SCNN1A: variants seen among roughly 807,000 people sequenced by gnomAD.
SCNN1A encodes the protein epithelial sodium channel subunit alpha.
A neutral mutation model predicts 68.6 loss-of-function variants in SCNN1A; 65 were observed. That is an observed-to-expected ratio of 0.95 (90% CI 0.78 to 1.16). The LOEUF (loss-of-function observed/expected upper bound fraction) is 1.16. Among genes scored for constraint, SCNN1A ranks in the 50% most tolerant of loss-of-function variants. The pLI, the probability that SCNN1A is intolerant of heterozygous loss-of-function variation, is 0.00. For synonymous variants in SCNN1A, 357 were observed against 353.3 expected (o/e 1.01, Z -0.12); for missense variants, 880 against 865.9 (o/e 1.02, Z -0.20).
chr12:6,349,571 G>A (rs1948335995), intron 8 of SCNN1A, among the ~76,000 whole-genome samples, 166 bp from the exon 9 acceptor site: 1 of 152,108 alleles, frequency 6.6e-6, no homozygotes, highest in South Asian at 2.1e-4. Flanking sequence ...AAGAAATTAA[G>A]CTAAGCCAGG....
At position 6,347,576 on chromosome 12, in the gene SCNN1A, CGCTTG is replaced by C; in HGVS notation, c.*292_*296del. 2.2e-6 allele frequency: 1 copy of C among 460,602 alleles called. No individual in the cohort carries two copies. Among genetic ancestry groups the C allele is most frequent in the Non-Finnish European group, 4.0e-6 (1 of 252,832 alleles). 28.5% of individuals were successfully genotyped at this position (460,602 alleles called of 1,614,324 possible). On this transcript the variant is annotated 3_prime_UTR_variant, in exon 13 of 13. Transcript: ENST00000228916. ...AGTTCCTTGTCAAAGCTCCAAGTTT[CGCTTG>C]GCTGATCCAAGGGAAAAAGAGACTT... is the stretch of plus-strand genomic sequence containing the variant.
chr12:6,374,613 C>G lies in SCNN1A; in HGVS notation c.171G>C (p.Glu57Asp). The change falls in exon 2 of 13, where the codon GAG (glutamate) becomes GAC (aspartate). Residue 57 changes from glutamate to aspartate, a missense_variant. Coordinates refer to ENST00000228916, the MANE Select transcript of SCNN1A (RefSeq NM_001038.6). This position sits in a 1 kb window ranked among gnomAD's most constrained non-coding sequence, Gnocchi z 6.2. ...TGTTGTTGCAGAAGAACTCGAAGAG[C>G]TCTCGGTAGGAGCGGTGGAACTCGA... Reference protein sequence around the residue: ...ALIEFHRSYRELFEFFCNNTT... With the variant: ...ALIEFHRSYRDLFEFFCNNTT... 1 of 1,613,924 alleles carries G rather than the reference C, an allele frequency of 6.2e-7. No homozygotes were observed. The highest frequency in any genetic ancestry group is 8.5e-7 in the Non-Finnish European group (1 of 1,179,906).
chr12:6,375,230 T>C, intron 1 of SCNN1A: 10 of 1,441,364 alleles, frequency 6.9e-6, no homozygotes, highest in Non-Finnish European at 9.1e-6. Context: ...TGTTTCTCTT[T>C]GGGTCTCTCC....
In SCNN1A at chr12:6,363,509, CACGCT is replaced by C; in HGVS notation, c.613_617del (p.Ser205GlyfsTer104). 1 of 1,608,888 alleles carries C rather than the reference CACGCT, an allele frequency of 6.2e-7. No individual in the cohort carries two copies. Among genetic ancestry groups the C allele is most frequent in the Non-Finnish European group, 8.5e-7 (1 of 1,177,582 alleles). ...GGTTGTTGTCCCGCAAGCTGGAGGCCACGCTACGGGCTCGACGGGCCCCGTGAGGC... is the reference window on the plus strand; with the variant it reads ...GGTTGTTGTCCCGCAAGCTGGAGGCCACGGGCTCGACGGGCCCCGTGAGGC... On this transcript the variant is annotated frameshift_variant, in exon 3 of 13. Transcript: ENST00000228916. LOFTEE classifies it high-confidence loss of function.
upstream of SCNN1A, chr12:6,375,605 C>T (rs72645137): frequency 2.8e-3 from 4,151 of 1,473,904 alleles, 95 homozygotes; most frequent in African/African-American, 0.047. Context: ...GTGAGCAGGG[C>T]GGGGGGAGGG....
chr12:6,362,928 A>C (rs150709760), intron 3 of SCNN1A, among the ~76,000 whole-genome samples: 1 of 440 alleles, frequency 2.3e-3, no homozygotes, highest in Non-Finnish European at 4.5e-3. Flanking sequence ...GGTGATCTGC[A>C]CGCCTAGGCC....
At chr12:6,353,561 GTTTTTA>G (rs1200785560) in intron 8 of SCNN1A, among the ~76,000 whole-genome samples, 3 of 151,352 alleles carry the variant, frequency 2.0e-5, no homozygotes, top group African/African-American at 4.9e-5. Flanking sequence ...GCTGCAGGTT[GTTTTTA>G]TTTTTATTTT....
At chr12:6,353,880 C>T (rs537555661) in intron 8 of SCNN1A, 28 of 152,036 alleles carry the variant, frequency 1.8e-4, no homozygotes, top group Middle Eastern at 3.4e-3. Context: ...TGAGCCACCG[C>T]GCCCGGCCTG....
At position 6,363,707 on chromosome 12, in the gene SCNN1A, G is replaced by A. The variant is rs1948623516; in HGVS notation, c.420C>T (p.Tyr140=). The A allele has an allele frequency of 6.3e-7, 1 of 1,597,400 alleles. No individual in the cohort carries two copies. The highest frequency in any genetic ancestry group is 8.5e-7 in the Non-Finnish European group (1 of 1,171,424). The change falls in exon 3 of 13, where the codon TAC becomes TAT. Residue 140 remains tyrosine (Y), a synonymous_variant. Transcript: ENST00000228916. ...CCTCCAGCTCCTCTTTAATTTCCGG[G>A]TACCTGAAGGGGCGAGGGGAAGAGG... ...VTICTLNPYR[Y]PEIKEELEEL...
intron 8 of SCNN1A, among the ~76,000 whole-genome samples, chr12:6,350,768 T>C (rs1592061757): frequency 6.6e-6 from 1 of 151,950 alleles, no homozygotes; most frequent in South Asian, 2.1e-4. Context: ...ACCTAGGAGG[T>C]GGAGGTTGTA....
Position 6,372,085 on chromosome 12 carries a change from A to G in SCNN1A, c.416+2283T>C, listed in dbSNP as rs572821079. On this transcript the variant is annotated intron_variant, in intron 2 of 12. Transcript: ENST00000228916. This position sits in a 1 kb window ranked among gnomAD's most constrained non-coding sequence, Gnocchi z 5.8. ...TTTGAGCTCCATCCCAGATCCCTCAATGCCTGCCTTGGCCTCCCAAAGTGC... is the reference window on the plus strand; with the variant it reads ...TTTGAGCTCCATCCCAGATCCCTCAGTGCCTGCCTTGGCCTCCCAAAGTGC... Among the ~76,000 whole-genome samples the G allele has an allele frequency of 6.6e-6, 1 of 152,268 alleles. No homozygotes were observed. The highest frequency in any genetic ancestry group is 1.9e-4 in the East Asian group (1 of 5,186).
chr12:6,376,242 G>C (rs1948906509), upstream of SCNN1A: 3 of 958,796 alleles, frequency 3.1e-6, no homozygotes, highest in Non-Finnish European at 3.7e-6. Flanking sequence ...CTTTCCTGCT[G>C]ATTCCTCGCC....
At chr12:6,355,184 T>A in intron 6 of SCNN1A, 88 bp downstream of exon 6, 1 of 1,444,474 alleles carries the variant, frequency 6.9e-7, no homozygotes, top group Non-Finnish European at 9.5e-7. Context: ...CCACCCCACA[T>A]GCTCTCCCTC....
chr12:6,348,578 AACCTCTCCCTTG>A, intron 12 of SCNN1A, 137 bp downstream of exon 12: 1 of 622,350 alleles, frequency 1.6e-6, no homozygotes, highest in Non-Finnish European at 2.7e-6. Context: ...CAACCCTCCC[AACCTCTCCCTTG>A]ACCCTCTTCT....
upstream of SCNN1A, chr12:6,377,210 G>T: frequency 6.5e-7 from 1 of 1,529,138 alleles, no homozygotes; most frequent in Non-Finnish European, 8.9e-7. Flanking sequence ...TAAAGTGAAA[G>T]CCGGTGTCAA....
intron 4 of SCNN1A, among the ~76,000 whole-genome samples, chr12:6,357,076 G>A (rs1040079161): frequency 2.0e-5 from 3 of 152,160 alleles, no homozygotes; most frequent in Non-Finnish European, 2.9e-5. Context: ...GGATGTACTG[G>A]GAAGTCAGCA....
intron 4 of SCNN1A, among the ~76,000 whole-genome samples, chr12:6,360,234 T>C (rs1217887952): frequency 1.3e-5 from 2 of 152,164 alleles, no homozygotes; most frequent in East Asian, 3.9e-4. Context: ...GTGGTGGGTA[T>C]AACAACCCAG....
intron 7 of SCNN1A, 49 bp downstream of exon 7, chr12:6,354,701 C>A: frequency 1.9e-6 from 3 of 1,542,382 alleles, no homozygotes; most frequent in Non-Finnish European, 2.7e-6. Context: ...GCAGGGCCAG[C>A]CAGGGCAGTG....
intron 4 of SCNN1A, 51 bp from the exon 5 acceptor site, chr12:6,355,931 G>A: frequency 8.9e-7 from 1 of 1,127,650 alleles, no homozygotes; most frequent in Non-Finnish European, 1.4e-6. Context: ...AGGTGGTGCA[G>A]GGAATAGGGA....
Sources: allele counts gnomAD v4.1 joint callset (sites outside exome capture counted in the v4.1 genomes callset), GRCh38; gene constraint gnomAD v4.1.1; non-coding constraint Gnocchi (gnomAD v3.1); transcripts MANE v1.5; gene names NCBI Gene and HGNC (gene_info 2026-07-23, HGNC 2026-07-21).